SLC38A9: variants seen among roughly 807,000 people sequenced by gnomAD.
SLC38A9 encodes neutral amino acid transporter 9.
Under a neutral mutation model 62.3 loss-of-function variants are expected in SLC38A9, and 48 were observed. That is an observed-to-expected ratio of 0.77 (90% confidence interval 0.61 to 0.98). The LOEUF (loss-of-function observed/expected upper bound fraction) is 0.98, where lower values mean the gene tolerates loss of function less well. Ranked by LOEUF, SLC38A9 falls within the 50% of genes least tolerant of loss-of-function variation. The pLI is 0.00. For missense variants in SLC38A9, 541 were observed against 679.8 expected, an observed-to-expected ratio of 0.80 and a Z score of 2.27; for synonymous variants, 204 against 227.7, an observed-to-expected ratio of 0.90 and a Z score of 0.94.
chr5:55,702,508 C>T (rs1756800587), intron 2 of SLC38A9, among the ~76,000 whole-genome samples: 1 of 152,046 alleles, frequency 6.6e-6, no homozygotes, highest in Non-Finnish European at 1.5e-5. Flanking sequence ...ATCTTTCTGC[C>T]TCAGCTTCCC....
intron 10 of SLC38A9, among the ~76,000 whole-genome samples, chr5:55,651,769 G>A (rs1339433334): frequency 4.6e-5 from 7 of 152,216 alleles, no homozygotes; most frequent in African/African-American, 1.7e-4. Flanking sequence ...CTTAGAGACT[G>A]TAGGAAAAAA....
chr5:55,693,767 C>T (rs1300946280), intron 3 of SLC38A9, among the ~76,000 whole-genome samples: 6 of 152,094 alleles, frequency 3.9e-5, no homozygotes, highest in Non-Finnish European at 5.9e-5. Flanking sequence ...AACACTTTTT[C>T]ATCACTGCCA....
At position 55,687,078 on chromosome 5, in the gene SLC38A9, T is replaced by C. The variant is rs1307287912; in HGVS notation, c.113+10768A>G. 7.3e-3 allele frequency among the ~76,000 whole-genome samples: 1,092 copies of C among 148,938 alleles called. 12 individuals carry two copies. The highest frequency in any genetic ancestry group is 0.022 in the African/African-American group (886 of 40,792). ...GCCTCCAGCTTTGTTTTTTTTTTTT[T>C]TTTTTTTTTTTTGCTTAAGATTGCC... On this transcript the variant is annotated intron_variant, in intron 3 of 15. Coordinates refer to ENST00000396865, the MANE Select transcript of SLC38A9 (RefSeq NM_173514.4).
intron 7 of SLC38A9, among the ~76,000 whole-genome samples, chr5:55,668,942 CAA>C (rs1014486548): frequency 4.6e-5 from 7 of 152,166 alleles, no homozygotes; most frequent in Non-Finnish European, 5.9e-5. Context: ...TTAGTTTTGG[CAA>C]AGACATTATT....
chr5:55,693,309 T>C (rs1205073319), intron 3 of SLC38A9: 1 of 152,238 alleles, frequency 6.6e-6, no homozygotes, highest in Non-Finnish European at 1.5e-5. Flanking sequence ...TGTACTTCAA[T>C]TTTTCACTTA....
rs1355667552 is a variant in SLC38A9, at chr5:55,634,021, C to CTAG, written c.1282-122_1282-120dup. ...TGCTACTCCGATTGTGGTTTGTGGA[C>CTAG]TAGTGCCCATCCACAACTACTTGTT... On this transcript the variant is annotated intron_variant, in intron 13 of 15. Coordinates refer to ENST00000396865, the MANE Select transcript of SLC38A9 (RefSeq NM_173514.4). 5 of 662,022 alleles carry CTAG rather than the reference C, an allele frequency of 7.6e-6. No homozygotes were observed. The African/African-American group carries it at 9.3e-5, about 12-fold the overall frequency. 41.0% of individuals were successfully genotyped at this position (662,022 alleles called of 1,614,324 possible). A position where few individuals can be genotyped will look rare whatever the true frequency, so the allele number is the denominator to read the frequency against.
At chr5:55,674,876 C>G (rs986073811) in intron 3 of SLC38A9, among the ~76,000 whole-genome samples, 2 of 152,208 alleles carry the variant, frequency 1.3e-5, no homozygotes, top group Admixed American at 6.5e-5. Flanking sequence ...CACTATGACA[C>G]TCAGTGGTAC....
chr5:55,677,242 CATT>C (rs1317405700), intron 3 of SLC38A9, among the ~76,000 whole-genome samples: 1 of 151,950 alleles, frequency 6.6e-6, no homozygotes, highest in East Asian at 1.9e-4. Flanking sequence ...AATTTACAAA[CATT>C]ATAAAGTATC....
At chr5:55,696,681 CG>C (rs1755806510) in intron 3 of SLC38A9, 1 of 32,780 alleles carries the variant, frequency 3.1e-5, no homozygotes, top group African/African-American at 7.7e-5. Context: ...CCGGACGGGG[CG>C]GCTGGCCAGG....
intron 2 of SLC38A9, chr5:55,704,291 A>G (rs1189926548): frequency 6.6e-6 from 1 of 152,250 alleles, no homozygotes; most frequent in East Asian, 1.9e-4. Flanking sequence ...TTAGAATTGT[A>G]TTATAGCTTT....
intron 12 of SLC38A9, among the ~76,000 whole-genome samples, chr5:55,642,364 TACAA>T (rs1053333545): frequency 6.0e-4 from 91 of 152,330 alleles, no homozygotes; most frequent in African/African-American, 2.1e-3. Context: ...TTTCTAGTAA[TACAA>T]ACAAATAATG....
intron 12 of SLC38A9, 141 bp from the exon 13 acceptor site, chr5:55,635,798 TTTGTTCACAGAAAGTAGTTAAAAC>T: frequency 1.7e-6 from 1 of 594,158 alleles, no homozygotes; most frequent in Non-Finnish European, 2.9e-6. Context: ...AGATATTCAA[TTTGTTCACAGAAAGTAGTTAAAAC>T]AAAATCCACA....
chr5:55,698,294 T>A (rs919742581), intron 2 of SLC38A9, among the ~76,000 whole-genome samples: 2 of 152,184 alleles, frequency 1.3e-5, no homozygotes, highest in Admixed American at 6.5e-5. Flanking sequence ...ATTTTTAAAA[T>A]CTTTGAAAAG....
chr5:55,663,224 C>G (rs572706282), intron 8 of SLC38A9, among the ~76,000 whole-genome samples: 2 of 135,208 alleles, frequency 1.5e-5, no homozygotes, highest in African/African-American at 5.6e-5. Flanking sequence ...TCTTAGCAAG[C>G]TGAGGTGGGA....
rs1425338287 is a variant in SLC38A9 at position 55,671,997 on chromosome 5, G to A, written c.246+566C>T. ...CAAGTAGCTGGAACTATAGGTGCGA[G>A]CCATCATGCTTGGCTAATTAAAAAA... On this transcript the variant is annotated intron_variant, in intron 4 of 15. Transcript: ENST00000396865. Among the ~76,000 whole-genome samples the A allele has an allele frequency of 4.6e-5, 7 of 152,226 alleles. No individual in the cohort carries two copies. The South Asian group carries it at 1.0e-3, about 23-fold the overall frequency.
Position 55,633,769 on chromosome 5 carries a change from C to A in SLC38A9, c.1415G>T (p.Gly472Val). Residue 472 changes from glycine (G) to valine (V), a missense_variant, in exon 14 of 16, where the codon GGT becomes GTT. By Grantham distance (109) the Gly-to-Val change is moderately radical (BLOSUM62 -3). Coordinates refer to ENST00000396865, the MANE Select transcript of SLC38A9 (RefSeq NM_173514.4). ...ARVQLLGHIF[G>V]DIYPSIFHVL... ...GAGCCCTTACCTAGGATAAATGTCACCGAAGATATGGCCCAAAAGCTGGAC... is the reference window on the plus strand; with the variant it reads ...GAGCCCTTACCTAGGATAAATGTCAACGAAGATATGGCCCAAAAGCTGGAC... 6.2e-7 allele frequency: 1 copy of A among 1,614,108 alleles called. No homozygotes were observed. Among genetic ancestry groups the A allele is most frequent in the South Asian group, 1.1e-5 (1 of 91,068 alleles).
chr5:55,693,138 T>A, intron 3 of SLC38A9: 23 of 333,400 alleles, frequency 6.9e-5, no homozygotes, highest in South Asian at 1.2e-4. Context: ...TTGTTGGGTG[T>A]CTACCTAACA....
At position 55,645,330 on chromosome 5, in the gene SLC38A9, CA is replaced by C. The variant is rs1746148588; in HGVS notation, c.1167+458del. ...TCGGACTCCCAAAGTGCTGGTATTA[CA>C]GGCCTGAGCCACCACGCCCAGGGTA... On this transcript the variant is annotated intron_variant, in intron 12 of 15. Coordinates refer to ENST00000396865, the MANE Select transcript of SLC38A9 (RefSeq NM_173514.4). Among the ~76,000 whole-genome samples, 2 of 152,208 alleles carry C rather than the reference CA, an allele frequency of 1.3e-5. 1 individual carries two copies. The highest frequency in any genetic ancestry group is 4.1e-4 in the South Asian group (2 of 4,832).
At chr5:55,685,062 G>A (rs1753569874) in intron 3 of SLC38A9, among the ~76,000 whole-genome samples, 1 of 152,070 alleles carries the variant, frequency 6.6e-6, no homozygotes. Flanking sequence ...TTTAGACCTC[G>A]GTATTCTACA....
Sources: allele counts gnomAD v4.1 joint callset (sites outside exome capture counted in the v4.1 genomes callset), GRCh38; gene constraint gnomAD v4.1.1; transcripts MANE v1.5; gene names NCBI Gene and HGNC (gene_info 2026-07-23, HGNC 2026-07-21).